The following NCAN variants were observed in gnomAD, a reference collection of about 807,000 sequenced individuals.
NCAN encodes neurocan core protein.
A neutral mutation model predicts 121.8 loss-of-function variants in NCAN; 47 were observed. The ratio of observed to expected loss-of-function variants is 0.39; its 90% confidence interval spans 0.31 to 0.49. NCAN has a LOEUF of 0.49. Among genes scored for constraint, NCAN ranks in the 20% least tolerant of loss-of-function variants. NCAN has a pLI of 0.92. For synonymous variants in NCAN, 633 were observed against 702.0 expected, an observed-to-expected ratio of 0.90 and a Z score of 1.55; for missense variants, 1,517 against 1,773.4, an observed-to-expected ratio of 0.86 and a Z score of 2.60.
rs547434377 is a variant in NCAN at position 19,228,713 on chromosome 19, A to C, written c.3019+74A>C. On this transcript the variant is annotated intron_variant, in intron 8 of 14. Transcript: ENST00000252575. The stretch of plus-strand genomic sequence containing the variant: ...TGGGGAGCAGGGGCTGGGGGATCCC[A>C]GAGCAGGGAGGAATGGTTGTCCCTG... 4.5e-4 allele frequency: 662 copies of C among 1,476,282 alleles called. 3 individuals are homozygous for C. The South Asian group carries it at 8.5e-3, about 19-fold the overall frequency. The allele number at this position is 1,476,282 out of a possible 1,614,324, so 91.4% of individuals were successfully genotyped here.
chr19:19,227,397 C>A lies in NCAN; in HGVS notation c.1777C>A (p.Pro593Thr), dbSNP rs769482303. ...CCTGGAGCTAGAGAAAGCCGAGGGCCCCAGTGCCAGGCCAGCCACCCCAGA... is the reference window on the plus strand; with the variant it reads ...CCTGGAGCTAGAGAAAGCCGAGGGCACCAGTGCCAGGCCAGCCACCCCAGA... ...PVLELEKAEG[P>T]SARPATPDLF... Residue 593 changes from proline (P) to threonine (T), a missense_variant, in exon 8 of 15, where the codon CCC becomes ACC. Pro to Thr is a conservative substitution (Grantham distance 38). Coordinates refer to ENST00000252575, the MANE Select transcript of NCAN (RefSeq NM_004386.3). This position sits in a 1 kb window ranked among gnomAD's most constrained non-coding sequence, Gnocchi z 4.2. 1 of 1,613,668 alleles carries A rather than the reference C, an allele frequency of 6.2e-7. No homozygotes were observed. The highest frequency in any genetic ancestry group is 1.7e-5 in the Admixed American group (1 of 60,008).
At chr19:19,216,568 C>T (rs2060796869) in intron 1 of NCAN, among the ~76,000 whole-genome samples, 1 of 152,136 alleles carries the variant, frequency 6.6e-6, no homozygotes, top group African/African-American at 2.4e-5. Flanking sequence ...CCTCGGCCTC[C>T]CAAAGTGCTA....
Position 19,228,134 on chromosome 19 carries a change from T to A in NCAN, c.2514T>A (p.Ser838Arg). ...ATTCCACAGTCACGCCGGCCCCCAG[T>A]GATGCTAGTGGAATTTGGGAACCTG... ...PMDSTVTPAP[S>R]DASGIWEPGS... Residue 838 changes from serine (S) to arginine (R), a missense_variant, in exon 8 of 15, where the codon AGT becomes AGA. Physicochemically the swap from Ser to Arg is moderately radical, Grantham distance 110. Transcript: ENST00000252575. The A allele has an allele frequency of 1.2e-6, 2 of 1,613,532 alleles. No individual in the cohort carries two copies. The highest frequency in any genetic ancestry group is 1.7e-6 in the Non-Finnish European group (2 of 1,179,980).
chr19:19,222,091 C>T (rs1251454064), intron 3 of NCAN, among the ~76,000 whole-genome samples: 2 of 152,012 alleles, frequency 1.3e-5, no homozygotes, highest in African/African-American at 2.4e-5. Context: ...AACCTGCATG[C>T]CCCCAAACTG....
intron 12 of NCAN, among the ~76,000 whole-genome samples, chr19:19,242,603 C>T (rs1386970505): frequency 2.0e-5 from 3 of 151,962 alleles, no homozygotes; most frequent in Non-Finnish European, 2.9e-5. Context: ...GCAGGAGAAT[C>T]GCTTGAACCT....
At chr19:19,235,589 T>A (rs541670914) in intron 10 of NCAN, among the ~76,000 whole-genome samples, 84 of 151,852 alleles carry the variant, frequency 5.5e-4, no homozygotes, top group Middle Eastern at 3.4e-3. Flanking sequence ...TTTTATTTTT[T>A]TTTTTTGAGA....
chr19:19,214,101 C>G (rs1251423394), intron 1 of NCAN, among the ~76,000 whole-genome samples: 1 of 152,160 alleles, frequency 6.6e-6, no homozygotes, highest in Non-Finnish European at 1.5e-5. Context: ...GGACACACAC[C>G]CAGTCACAAA....
intron 11 of NCAN, among the ~76,000 whole-genome samples, chr19:19,239,957 A>C (rs1480213781): frequency 2.6e-3 from 154 of 58,820 alleles, no homozygotes; most frequent in Non-Finnish European, 2.7e-3. Context: ...TCCTCCTTCC[A>C]CTCATCTTCC....
intron 11 of NCAN, 21 bp downstream of exon 11, chr19:19,238,432 G>T (rs374508394): frequency 1.2e-6 from 2 of 1,613,674 alleles, no homozygotes; most frequent in African/African-American, 1.3e-5. Flanking sequence ...TGGGGAGGGG[G>T]CCACCTGCCT....
At chr19:19,248,974 T>G in intron 14 of NCAN, 92 bp downstream of exon 14, 1 of 1,376,832 alleles carries the variant, frequency 7.3e-7, no homozygotes, top group East Asian at 2.3e-5. Flanking sequence ...TTGATCTGGC[T>G]TAATGTCTGC....
At position 19,250,161 on chromosome 19, in the gene NCAN, C is replaced by T. The variant is rs1450775314; in HGVS notation, c.*250C>T. On this transcript the variant is annotated 3_prime_UTR_variant, in exon 15 of 15. Transcript: ENST00000252575. ...TCTGGCTGAACTCTGGGAGTGTGTC[C>T]CAGCTGAGGGAAGCACAAGTAGCAA... The T allele has an allele frequency of 4.6e-6, 3 of 652,424 alleles. No individual in the cohort carries two copies. The Admixed American group carries it at 6.2e-5, about 14-fold the overall frequency. The allele number at this position is 652,424 out of a possible 1,614,324, so 40.4% of individuals were successfully genotyped here. A position where few individuals can be genotyped will look rare whatever the true frequency, so the allele number is the denominator to read the frequency against.
Position 19,249,900 on chromosome 19 carries a change from A to G in NCAN, c.3955A>G (p.Asn1319Asp). The change falls in exon 15 of 15, where the codon AAT becomes GAT. Residue 1319 changes from asparagine to aspartate, a missense_variant. Asn to Asp is a conservative substitution (Grantham distance 23). Transcript: ENST00000252575. ...PTEDWEKDEG[N>D]FC Reference sequence around the variant, plus strand: ...GGAGGACTGGGAGAAGGACGAAGGGAATTTCTGCTGAAGAACCAGAAAAAA... The same window carrying G: ...GGAGGACTGGGAGAAGGACGAAGGGGATTTCTGCTGAAGAACCAGAAAAAA... The G allele has an allele frequency of 6.2e-7, 1 of 1,613,752 alleles. No individual in the cohort carries two copies. Among genetic ancestry groups the G allele is most frequent in the Non-Finnish European group, 8.5e-7 (1 of 1,179,844 alleles).
At chr19:19,215,969 C>T (rs2060794618) in intron 1 of NCAN, among the ~76,000 whole-genome samples, 1 of 152,136 alleles carries the variant, frequency 6.6e-6, no homozygotes, top group Non-Finnish European at 1.5e-5. Flanking sequence ...TTGACTCATC[C>T]ATTCCTTTCA....
At chr19:19,232,839 TAAA>T (rs767367598) in intron 8 of NCAN, 1 of 151,956 alleles carries the variant, frequency 6.6e-6, no homozygotes, top group Non-Finnish European at 1.5e-5. Context: ...ATTGTTCTAA[TAAA>T]AAAAGTAAAG....
intron 10 of NCAN, among the ~76,000 whole-genome samples, chr19:19,236,354 C>A (rs1044192994): frequency 2.6e-5 from 4 of 152,150 alleles, no homozygotes; most frequent in Non-Finnish European, 5.9e-5. Flanking sequence ...GTGTTTCATT[C>A]CTTTTCATGG....
chr19:19,213,170 G>T (rs1382065821), intron 1 of NCAN, among the ~76,000 whole-genome samples: 1 of 152,126 alleles, frequency 6.6e-6, no homozygotes. Flanking sequence ...GTGCACTGTG[G>T]GACCCCAGAA....
chr19:19,213,563 T>C (rs1438771973), intron 1 of NCAN, among the ~76,000 whole-genome samples: 1 of 150,510 alleles, frequency 6.6e-6, no homozygotes, highest in Non-Finnish European at 1.5e-5. Flanking sequence ...ACACGCCGCC[T>C]GTCTTGTAAG....
Position 19,219,276 on chromosome 19 carries a change from C to T in NCAN, c.435C>T (p.Gly145=). 1 of 1,585,036 alleles carries T rather than the reference C, an allele frequency of 6.3e-7. No individual in the cohort carries two copies. Among genetic ancestry groups the T allele is most frequent in the Admixed American group, 1.7e-5 (1 of 57,462 alleles). Reference sequence around the variant, plus strand: ...TGTACCGCTGCCAGGTGGTGAGGGGCATCGAGGATGAGCAGGACCTGGTGC... The same window carrying T: ...TGTACCGCTGCCAGGTGGTGAGGGGTATCGAGGATGAGCAGGACCTGGTGC... ...SGLYRCQVVR[G]IEDEQDLVPL... is the part of the protein sequence containing the mutation. The change falls in exon 3 of 15, where the codon GGC becomes GGT. Residue 145 remains glycine (G), a synonymous_variant. Coordinates refer to ENST00000252575, the MANE Select transcript of NCAN (RefSeq NM_004386.3).
intron 10 of NCAN, among the ~76,000 whole-genome samples, chr19:19,235,330 C>T (rs906583663): frequency 2.6e-5 from 4 of 151,924 alleles, no homozygotes; most frequent in Admixed American, 6.6e-5. Context: ...AGTGCAGTGG[C>T]GCCATCTCAG....
Sources: gnomAD v4.1 joint callset for allele counts (sites outside exome capture counted in the v4.1 genomes callset) on GRCh38, gnomAD v4.1.1 for gene constraint, Gnocchi (gnomAD v3.1) non-coding constraint, MANE v1.5 for transcripts, NCBI Gene and HGNC (gene_info 2026-07-23, HGNC 2026-07-21) for gene names.